Variants in ERN2 observed in about 807,000 individuals in gnomAD.
The protein encoded by ERN2 is serine/threonine-protein kinase/endoribonuclease IRE2.
Under a neutral mutation model 107.9 loss-of-function variants are expected in ERN2, and 111 were observed. The observed-to-expected ratio is 1.03, with a 90% confidence interval of 0.88 to 1.20. ERN2 has a LOEUF of 1.20. Among genes scored for constraint, ERN2 ranks in the 50% most tolerant of loss-of-function variants. ERN2 has a pLI of 0.00. For synonymous variants in ERN2, 524 were observed against 501.7 expected, an observed-to-expected ratio of 1.04 and a Z score of -0.59; for missense variants, 1,225 against 1,197.9, an observed-to-expected ratio of 1.02 and a Z score of -0.33.
At chr16:23,702,336 G>T in intron 10 of ERN2, 54 bp downstream of exon 10, 1 of 1,611,134 alleles carries the variant, frequency 6.2e-7, no homozygotes, top group African/African-American at 1.3e-5. Context: ...TCAGAAGCTG[G>T]GCTCACAGGT....
intron 14 of ERN2, 150 bp downstream of exon 14, chr16:23,695,744 A>AAC: frequency 1.7e-6 from 1 of 598,432 alleles, no homozygotes; most frequent in Non-Finnish European, 2.9e-6. Flanking sequence ...AAAAAAAAAA[A>AAC]AAACAGATAA....
At position 23,710,920 on chromosome 16, in the gene ERN2, C is replaced by T; in HGVS notation, c.192G>A (p.Leu64=). The part of the protein sequence containing the change: ...SKQTGDLKWT[L]RDDPVIEGPM... ...GGACCACCTCTTGCTCACCATCCCTCAGAGTCCACTTCAGGTCCCCTGTCT... is the reference window on the plus strand; with the variant it reads ...GGACCACCTCTTGCTCACCATCCCTTAGAGTCCACTTCAGGTCCCCTGTCT... The change falls in exon 2 of 22, where the codon CTG becomes CTA. Residue 64 remains leucine (L), a synonymous_variant. Coordinates refer to ENST00000256797, the MANE Select transcript of ERN2 (RefSeq NM_033266.4). The T allele has an allele frequency of 6.2e-7, 1 of 1,612,816 alleles. No homozygotes were observed.
Position 23,700,711 on chromosome 16 carries a change from C to T in ERN2, c.1360-7G>A, listed in dbSNP as rs756010556. 1.9e-6 allele frequency: 3 copies of T among 1,609,822 alleles called. No individual in the cohort carries two copies. Among genetic ancestry groups the T allele is most frequent in the Admixed American group, 3.4e-5 (2 of 59,638 alleles). On this transcript the variant is annotated splice_region_variant and splice_polypyrimidine_tract_variant and intron_variant, in intron 12 of 21. Coordinates refer to ENST00000256797, the MANE Select transcript of ERN2 (RefSeq NM_033266.4). ...CCACCACCTGCGGCTGTTGCTGTAACATGAGAGCCTAAGAGAGCTTTGTCC... is the reference window on the plus strand; with the variant it reads ...CCACCACCTGCGGCTGTTGCTGTAATATGAGAGCCTAAGAGAGCTTTGTCC...
Position 23,710,550 on chromosome 16 carries a change from C to G in ERN2, c.200-1G>C, listed in dbSNP as rs769879806. The G allele has an allele frequency of 2.5e-6, 4 of 1,614,214 alleles. No homozygotes were observed. In the South Asian group the frequency reaches 4.4e-5, roughly 18 times the overall value. On this transcript the variant is annotated splice_acceptor_variant, in intron 2 of 21. Coordinates refer to ENST00000256797, the MANE Select transcript of ERN2 (RefSeq NM_033266.4). LOFTEE classifies it high-confidence loss of function. ...TACATTGGTCCTTCGATGACGGGAT[C>G]TGCAGGGACAGGGACACAGAACATA...
In ERN2 at chr16:23,713,095, C is replaced by T; in HGVS notation, c.93G>A (p.Gln31=). The T allele has an allele frequency of 6.4e-7, 1 of 1,574,570 alleles. No homozygotes were observed. Among genetic ancestry groups the T allele is most frequent in the Non-Finnish European group, 8.6e-7 (1 of 1,166,422 alleles). The change falls in exon 1 of 22, where the codon CAG becomes CAA. Residue 31 remains glutamine, a splice_region_variant and synonymous_variant. Coordinates refer to ENST00000256797, the MANE Select transcript of ERN2 (RefSeq NM_033266.4). ...CTTGGCGTCGGTCCCTGGCTCTCAC[C>T]TGTGGACTCAGCGTCCCGAGCAGCA... is the stretch of plus-strand genomic sequence containing the variant. ...AALLLGTLSP[Q]VHTLRPENLL...
In ERN2 at chr16:23,695,183, A is replaced by G. The variant is rs1959756679; in HGVS notation, c.1800+17T>C. The G allele has an allele frequency of 6.2e-7, 1 of 1,613,702 alleles. No individual in the cohort carries two copies. Among genetic ancestry groups the G allele is most frequent in the South Asian group, 1.1e-5 (1 of 91,070 alleles). On this transcript the variant is annotated intron_variant, in intron 15 of 21. Transcript: ENST00000256797. Reference sequence around the variant, plus strand: ...GGACCTTCCCACTCACCCTCCCTGAACCGCAATGCAACTCACCTCCTGCAA... The same window carrying G: ...GGACCTTCCCACTCACCCTCCCTGAGCCGCAATGCAACTCACCTCCTGCAA...
intron 1 of ERN2, 27 bp downstream of exon 1, chr16:23,713,068 G>A: frequency 6.7e-7 from 1 of 1,492,124 alleles, no homozygotes; most frequent in South Asian, 1.3e-5. Flanking sequence ...AGACTTTGGG[G>A]ACTTGGCGTC....
chr16:23,707,069 A>C lies in ERN2; in HGVS notation c.317T>G (p.Phe106Cys). The C allele has an allele frequency of 6.2e-7, 1 of 1,613,942 alleles. No individual in the cohort carries two copies. Among genetic ancestry groups the C allele is most frequent in the South Asian group, 1.1e-5 (1 of 91,076 alleles). Residue 106 changes from phenylalanine to cysteine, a missense_variant, in exon 5 of 22, where the codon TTC (phenylalanine) becomes TGC (cysteine). Physicochemically the swap from Phe to Cys is radical, Grantham distance 205. Coordinates refer to ENST00000256797, the MANE Select transcript of ERN2 (RefSeq NM_033266.4). ...QKQQGLMKLP[F>C]TIPELVHASP... ...GGCATGAACCAGCTCAGGGATGGTG[A>C]ATGGCAGTTTCTAGGAGACGGAAAA...
chr16:23,706,905 A>AGAGGTGTG, intron 5 of ERN2, 44 bp from the exon 6 acceptor site: 1 of 1,573,742 alleles, frequency 6.4e-7, no homozygotes, highest in Non-Finnish European at 8.7e-7. Flanking sequence ...TGGCATGGGA[A>AGAGGTGTG]GAGGTGTGGC....
In ERN2 at chr16:23,691,983, T is replaced by G. The variant is rs1275927323; in HGVS notation, c.2356A>C (p.Lys786Gln). The G allele has an allele frequency of 1.2e-6, 2 of 1,613,304 alleles. No individual in the cohort carries two copies. Among genetic ancestry groups the G allele is most frequent in the Admixed American group, 1.7e-5 (1 of 59,716 alleles). Reference protein sequence around the residue: ...LAHPFFWSRAKQLQFFQDVSD... With the variant: ...LAHPFFWSRAQQLQFFQDVSD... The stretch of plus-strand genomic sequence containing the variant: ...CTGACCTGGAAGAACTGGAGTTGCT[T>G]GGCTCTGCTCCAAAAGAAGGGGTGG... Residue 786 changes from lysine to glutamine, a missense_variant, in exon 19 of 22, where the codon AAG (lysine) becomes CAG (glutamine). Transcript: ENST00000256797.
In ERN2 at chr16:23,694,977, G is replaced by C; in HGVS notation, c.1900+42C>G. On this transcript the variant is annotated intron_variant, in intron 16 of 21. Coordinates refer to ENST00000256797, the MANE Select transcript of ERN2 (RefSeq NM_033266.4). ...GCTGGTTGCTGAGGGCGGAAGGCAG[G>C]GGCTAAGGACAGGGAGCGGGAGGCA... 3.1e-6 allele frequency: 5 copies of C among 1,613,574 alleles called. No homozygotes were observed. The Admixed American group carries it at 5.0e-5, about 16-fold the overall frequency.
Position 23,710,556 on chromosome 16 carries a change from G to T in ERN2, c.200-7C>A. 1.2e-6 allele frequency: 2 copies of T among 1,614,088 alleles called. No homozygotes were observed. Among genetic ancestry groups the T allele is most frequent in the South Asian group, 2.2e-5 (2 of 91,078 alleles). ...GGTCCTTCGATGACGGGATCTGCAG[G>T]GACAGGGACACAGAACATAAGCAGT... On this transcript the variant is annotated splice_polypyrimidine_tract_variant and splice_region_variant and intron_variant, in intron 2 of 21. Transcript: ENST00000256797.
chr16:23,694,910 G>A lies in ERN2; in HGVS notation c.1918C>T (p.Pro640Ser), dbSNP rs759040624. 2 of 1,614,220 alleles carry A rather than the reference G, an allele frequency of 1.2e-6. No homozygotes were observed. Among genetic ancestry groups the A allele is most frequent in the Middle Eastern group, 1.6e-4 (1 of 6,062 alleles). Residue 640 changes from proline (P) to serine (S), a missense_variant, in exon 17 of 22, where the codon CCA becomes TCA. Coordinates refer to ENST00000256797, the MANE Select transcript of ERN2 (RefSeq NM_033266.4). The stretch of plus-strand genomic sequence containing the variant: ...GGCCCGGTGATGAGAATATTTCCTG[G>A]CTTCAGGTCCCGGTGCACTGTGGGA... ...SLHIVHRDLK[P>S]GNILITGPDS... is the part of the protein sequence containing the mutation.
chr16:23,695,162 C>T (rs1258248466), intron 15 of ERN2, 38 bp downstream of exon 15: 9 of 1,613,564 alleles, frequency 5.6e-6, no homozygotes, highest in East Asian at 2.2e-5. Flanking sequence ...CAGCCCGGAC[C>T]TTCCCACTCA....
rs8058640 is a variant in ERN2 at position 23,702,140 on chromosome 16, C to T, written c.1203+12G>A. On this transcript the variant is annotated intron_variant, in intron 11 of 21. Transcript: ENST00000256797. ...CCTCCCTACCCCCACTCTCTCCCCT[C>T]CCAGCACTGACCTCCAAGAAGAAGG... is the stretch of plus-strand genomic sequence containing the variant. 96 of 1,611,036 alleles carry T rather than the reference C, an allele frequency of 6.0e-5. No individual in the cohort carries two copies. The African/African-American group carries it at 9.6e-4, about 16-fold the overall frequency.
chr16:23,693,183 A>G (rs1959669076), intron 17 of ERN2, among the ~76,000 whole-genome samples: 1 of 151,998 alleles, frequency 6.6e-6, no homozygotes, highest in Admixed American at 6.6e-5. Context: ...AGTCCCAGCT[A>G]CTTGGGAGGC....
Position 23,702,514 on chromosome 16 carries a change from G to A in ERN2, c.957C>T (p.Pro319=), listed in dbSNP as rs201669721. ...CCTCATCTGTGGTGGGGCCATCTGC[G>A]GGGGCCAGGGTCAGTCCACGAGGCT... The part of the protein sequence containing the change: ...ALVPRGLTLA[P]ADGPTTDEVT... Residue 319 remains proline, a synonymous_variant, in exon 10 of 22, where the codon CCC becomes CCT. Transcript: ENST00000256797. 493 of 1,613,784 alleles carry A rather than the reference G, an allele frequency of 3.1e-4. No individual in the cohort carries two copies. The highest frequency in any genetic ancestry group is 3.6e-4 in the Non-Finnish European group (420 of 1,180,028).
intron 3 of ERN2, 102 bp downstream of exon 3, chr16:23,710,414 A>G: frequency 7.5e-7 from 1 of 1,331,654 alleles, no homozygotes. Flanking sequence ...CTCTTCCCTT[A>G]CTTCCAACAT....
At chr16:23,706,145 G>GGTCA in intron 7 of ERN2, 185 bp downstream of exon 7, 1 of 548,154 alleles carries the variant, frequency 1.8e-6, no homozygotes, top group Non-Finnish European at 3.2e-6. Flanking sequence ...GGTTCAGGAG[G>GGTCA]GTCAGTCTGG....
Sources: allele counts gnomAD v4.1 joint callset (sites outside exome capture counted in the v4.1 genomes callset), GRCh38; gene constraint gnomAD v4.1.1; transcripts MANE v1.5; gene names NCBI Gene and HGNC (gene_info 2026-07-23, HGNC 2026-07-21).